Variants in FLOT2 observed in about 807,000 individuals in gnomAD.
The protein encoded by FLOT2 is flotillin-2.
Under a neutral mutation model 54.9 loss-of-function variants are expected in FLOT2, and 35 were observed. That is an observed-to-expected ratio of 0.64 (90% CI 0.49 to 0.84). The LOEUF (loss-of-function observed/expected upper bound fraction) is 0.84, where lower values mean the gene tolerates loss of function less well. Ranked by LOEUF, FLOT2 falls within the 40% of genes least tolerant of loss-of-function variation. The pLI is 0.00. For synonymous variants in FLOT2, 207 were observed against 228.9 expected (o/e 0.90, Z 0.86); for missense variants, 464 against 572.1 (o/e 0.81, Z 1.93).
intron 8 of FLOT2, 98 bp from the exon 9 acceptor site, chr17:28,881,473 G>T: frequency 7.8e-7 from 1 of 1,274,652 alleles, no homozygotes; most frequent in Non-Finnish European, 1.1e-6. Context: ...CTGCTCTGGG[G>T]GCTGTCGGGG....
In FLOT2 at chr17:28,884,427, G is replaced by A; in HGVS notation, c.132-112C>T. The A allele has an allele frequency of 1.5e-6, 1 of 664,926 alleles. No individual in the cohort carries two copies. Among genetic ancestry groups the A allele is most frequent in the East Asian group, 2.7e-5 (1 of 37,392 alleles). 41.2% of individuals were successfully genotyped at this position (664,926 alleles called of 1,614,324 possible). On this transcript the variant is annotated intron_variant, in intron 2 of 10. Coordinates refer to ENST00000394908, the MANE Select transcript of FLOT2 (RefSeq NM_004475.3). This position sits in a 1 kb window ranked among gnomAD's most constrained non-coding sequence, Gnocchi z 5.1. The stretch of plus-strand genomic sequence containing the variant: ...GCTGGGTCCTGGTGAGGAAGGTGGA[G>A]GGAGGACTCTCCACGGGGCTGAGAT...
chr17:28,888,896 C>G (rs751851687), intron 2 of FLOT2, 49 bp downstream of exon 2: 1 of 1,469,752 alleles, frequency 6.8e-7, no homozygotes, highest in South Asian at 1.1e-5. Context: ...GGAAGCCCCT[C>G]TCTCCCTGGC....
chr17:28,897,386 A>C lies in FLOT2; in HGVS notation c.49+140T>G, dbSNP rs533606438. 5.3e-4 allele frequency: 382 copies of C among 717,870 alleles called. 8 individuals are homozygous for C. The South Asian group carries it at 7.5e-3, about 14-fold the overall frequency. 44.5% of individuals were successfully genotyped at this position (717,870 alleles called of 1,614,324 possible). On this transcript the variant is annotated intron_variant, in intron 1 of 10. Transcript: ENST00000394908. This position sits in a 1 kb window ranked among gnomAD's most constrained non-coding sequence, Gnocchi z 4.4. ...GCGTGAGCACGAGATCTCTCTTGGAAGGGGCCTCAGGTGCGGCCCGGGGGC... is the reference window on the plus strand; with the variant it reads ...GCGTGAGCACGAGATCTCTCTTGGACGGGGCCTCAGGTGCGGCCCGGGGGC...
chr17:28,883,307 G>C lies in FLOT2; in HGVS notation c.223-76C>G. The C allele has an allele frequency of 6.3e-7, 1 of 1,577,190 alleles. No individual in the cohort carries two copies. The highest frequency in any genetic ancestry group is 1.1e-5 in the South Asian group (1 of 89,642). Reference sequence around the variant, plus strand: ...AGGCCCCAGACCCAGAGGTAGGCAGGATGGTGGCTGTGCCTCCTCCCTTCC... The same window carrying C: ...AGGCCCCAGACCCAGAGGTAGGCAGCATGGTGGCTGTGCCTCCTCCCTTCC... On this transcript the variant is annotated intron_variant, in intron 3 of 10. Transcript: ENST00000394908. The surrounding 1 kb of genome is among the most constrained non-coding windows in gnomAD (Gnocchi z 5.0).
chr17:28,887,747 G>A (rs1236708613), intron 2 of FLOT2, among the ~76,000 whole-genome samples: 1 of 152,236 alleles, frequency 6.6e-6, no homozygotes, highest in Non-Finnish European at 1.5e-5. Flanking sequence ...ACAGGCCACT[G>A]GCCCACTCAG....
At position 28,884,219 on chromosome 17, in the gene FLOT2, C is replaced by T; in HGVS notation, c.222+6G>A. 6.2e-7 allele frequency: 1 copy of T among 1,608,054 alleles called. No individual in the cohort carries two copies. The highest frequency in any genetic ancestry group is 8.5e-7 in the Non-Finnish European group (1 of 1,174,698). ...GGACATGCGCAGGGCTGCTGAGTTACTATACCTGGGCGACACCCGTCACAG... is the reference window on the plus strand; with the variant it reads ...GGACATGCGCAGGGCTGCTGAGTTATTATACCTGGGCGACACCCGTCACAG... On this transcript the variant is annotated splice_donor_region_variant and intron_variant, in intron 3 of 10. Transcript: ENST00000394908. This position sits in a 1 kb window ranked among gnomAD's most constrained non-coding sequence, Gnocchi z 5.1.
chr17:28,883,351 C>A lies in FLOT2; in HGVS notation c.223-120G>T. 8.0e-7 allele frequency: 1 copy of A among 1,256,220 alleles called. No individual in the cohort carries two copies. The highest frequency in any genetic ancestry group is 1.1e-6 in the Non-Finnish European group (1 of 891,688). The allele number at this position is 1,256,220 out of a possible 1,614,324, so 77.8% of individuals were successfully genotyped here. A position where few individuals can be genotyped will look rare whatever the true frequency, so the allele number is the denominator to read the frequency against. On this transcript the variant is annotated intron_variant, in intron 3 of 10. Transcript: ENST00000394908. This position sits in a 1 kb window ranked among gnomAD's most constrained non-coding sequence, Gnocchi z 5.0. ...CCCTTCCTTTTTTCAGACCTGGAGGCCCTGGGGGGCTGGAATCTGTCTGAA... is the reference window on the plus strand; with the variant it reads ...CCCTTCCTTTTTTCAGACCTGGAGGACCTGGGGGGCTGGAATCTGTCTGAA...
chr17:28,879,770 A>G lies in FLOT2; in HGVS notation c.*791T>C, dbSNP rs960302490. On this transcript the variant is annotated 3_prime_UTR_variant, in exon 11 of 11. Coordinates refer to ENST00000394908, the MANE Select transcript of FLOT2 (RefSeq NM_004475.3). Reference sequence around the variant, plus strand: ...CTGTCCCCAACAGGGCTAGACCCTCATCTCAGAAAACTTAGCAGAGTTGGG... The same window carrying G: ...CTGTCCCCAACAGGGCTAGACCCTCGTCTCAGAAAACTTAGCAGAGTTGGG... 23 of 985,986 alleles carry G rather than the reference A, an allele frequency of 2.3e-5. No homozygotes were observed. Among genetic ancestry groups the G allele is most frequent in the Non-Finnish European group, 2.8e-5 (23 of 830,110 alleles). 61.1% of individuals were successfully genotyped at this position (985,986 alleles called of 1,614,324 possible). A position where few individuals can be genotyped will look rare whatever the true frequency, so the allele number is the denominator to read the frequency against.
chr17:28,881,014 G>A, intron 9 of FLOT2, 152 bp from the exon 10 acceptor site: 1 of 1,153,490 alleles, frequency 8.7e-7, no homozygotes. Context: ...CGCCCTGTGG[G>A]CCAGGGATGG....
Position 28,880,617 on chromosome 17 carries a change from G to A in FLOT2, c.1249-18C>T. On this transcript the variant is annotated intron_variant, in intron 10 of 10. Transcript: ENST00000394908. ...AGGGGTATCTGCAAGGATGGGAGAT[G>A]CCATGAGACCTTGGCTCCAGAGCCC... is the stretch of plus-strand genomic sequence containing the variant. The A allele has an allele frequency of 6.2e-7, 1 of 1,614,016 alleles. No individual in the cohort carries two copies. Among genetic ancestry groups the A allele is most frequent in the Non-Finnish European group, 8.5e-7 (1 of 1,179,934 alleles).
At chr17:28,887,906 A>G (rs1278331847) in intron 2 of FLOT2, among the ~76,000 whole-genome samples, 1 of 152,110 alleles carries the variant, frequency 6.6e-6, no homozygotes, top group Non-Finnish European at 1.5e-5. Flanking sequence ...GTTACTGAGA[A>G]CCAGTGAAGT....
intron 1 of FLOT2, among the ~76,000 whole-genome samples, chr17:28,894,582 C>T (rs1240715428): frequency 6.8e-6 from 1 of 146,380 alleles, no homozygotes; most frequent in Non-Finnish European, 1.5e-5. Context: ...TGAAGTCATA[C>T]CACTGCACTC....
intron 1 of FLOT2, among the ~76,000 whole-genome samples, chr17:28,891,582 T>G (rs968577653): frequency 3.3e-5 from 5 of 152,200 alleles, no homozygotes; most frequent in African/African-American, 1.2e-4. Context: ...GTTCTATATC[T>G]TCTTCTGTGT....
Position 28,881,225 on chromosome 17 carries a change from G to C in FLOT2, c.1065C>G (p.Ala355=). 2 of 1,614,154 alleles carry C rather than the reference G, an allele frequency of 1.2e-6. No homozygotes were observed. The highest frequency in any genetic ancestry group is 1.7e-6 in the Non-Finnish European group (2 of 1,180,010). Residue 355 remains alanine (A), a synonymous_variant, in exon 9 of 11, where the codon GCC becomes GCG. Coordinates refer to ENST00000394908, the MANE Select transcript of FLOT2 (RefSeq NM_004475.3). ...GGGCCTCTAGCACCAAGGCCATCTT[G>C]GCTGCATCCCCGTATTTCTGGTAGG... ...AEAYQKYGDA[A]KMALVLEALP...
Position 28,884,172 on chromosome 17 carries a change from G to A in FLOT2, c.222+53C>T, listed in dbSNP as rs879126750. On this transcript the variant is annotated intron_variant, in intron 3 of 10. Transcript: ENST00000394908. The surrounding 1 kb of genome is among the most constrained non-coding windows in gnomAD (Gnocchi z 5.1). ...CCTCTCCTCCTCCCCCCGAACCCGA[G>A]TACGGGACCAGGCAGCTCAACGGAC... 8.9e-6 allele frequency: 12 copies of A among 1,355,062 alleles called. No homozygotes were observed. The South Asian group carries it at 1.3e-4, about 14-fold the overall frequency. 83.9% of individuals were successfully genotyped at this position (1,355,062 alleles called of 1,614,324 possible).
chr17:28,888,172 C>A (rs1001483613), intron 2 of FLOT2, among the ~76,000 whole-genome samples: 1 of 152,204 alleles, frequency 6.6e-6, no homozygotes, highest in Non-Finnish European at 1.5e-5. Context: ...TCCCCACCGC[C>A]CCATCTCCCA....
Position 28,880,552 on chromosome 17 carries a change from G to T in FLOT2, c.*9C>A. 1 of 1,613,528 alleles carries T rather than the reference G, an allele frequency of 6.2e-7. No homozygotes were observed. The highest frequency in any genetic ancestry group is 8.5e-7 in the Non-Finnish European group (1 of 1,179,716). On this transcript the variant is annotated 3_prime_UTR_variant, in exon 11 of 11. Coordinates refer to ENST00000394908, the MANE Select transcript of FLOT2 (RefSeq NM_004475.3). ...GGTGGCTGCTGAAGAGAGTGGGCCT[G>T]CAGGAGCCTCACACCTGCACACCAG... is the stretch of plus-strand genomic sequence containing the variant.
chr17:28,888,877 A>C (rs1567934460), intron 2 of FLOT2, 68 bp downstream of exon 2: 2 of 1,267,204 alleles, frequency 1.6e-6, no homozygotes, highest in Non-Finnish European at 2.3e-6. Context: ...AGTGAAGCAG[A>C]ACAATGCTGG....
intron 1 of FLOT2, among the ~76,000 whole-genome samples, chr17:28,890,392 T>TC (rs2039626847): frequency 6.7e-6 from 1 of 149,706 alleles, no homozygotes; most frequent in Non-Finnish European, 1.5e-5. Context: ...TGAGATTTCT[T>TC]TTTTTTTTTT....
Sources: allele counts gnomAD v4.1 joint callset (sites outside exome capture counted in the v4.1 genomes callset), GRCh38; gene constraint gnomAD v4.1.1; non-coding constraint Gnocchi (gnomAD v3.1); transcripts MANE v1.5; gene names NCBI Gene and HGNC (gene_info 2026-07-23, HGNC 2026-07-21).